Variants in GRID2 observed in about 807,000 individuals in gnomAD.
GRID2 encodes glutamate ionotropic receptor delta type subunit 2.
In GRID2, 33 loss-of-function variants were observed where a neutral mutation model predicts 114.8. That is an observed-to-expected ratio of 0.29 (90% confidence interval 0.22 to 0.38). The LOEUF is 0.38. Among genes scored for constraint, GRID2 ranks in the 10% least tolerant of loss-of-function variants. GRID2 has a pLI of 1.00. For synonymous variants in GRID2, 505 were observed against 449.9 expected (o/e 1.12, Z -1.55); for missense variants, 1,184 against 1,257.7 (o/e 0.94, Z 0.89).
chr4:92,526,730 G>GCA (rs71300746), intron 1 of GRID2, among the ~76,000 whole-genome samples: 43,183 of 149,620 alleles, frequency 0.29, 6,713 homozygotes, highest in Non-Finnish European at 0.36. Flanking sequence ...TTGGCCACAT[G>GCA]CACACACACA....
At chr4:93,429,941 A>G (rs904873650) in intron 10 of GRID2, among the ~76,000 whole-genome samples, 2 of 152,184 alleles carry the variant, frequency 1.3e-5, no homozygotes, top group Non-Finnish European at 2.9e-5. Context: ...GATACTATTT[A>G]GTAATTATAA....
At chr4:92,856,985 T>C (rs1310611592) in intron 2 of GRID2, among the ~76,000 whole-genome samples, 1 of 152,172 alleles carries the variant, frequency 6.6e-6, no homozygotes, top group Non-Finnish European at 1.5e-5. Flanking sequence ...TTTTCATTAG[T>C]ATTATATATG....
chr4:93,805,149 T>C (rs1345235606), intron 1 of GRID2, among the ~76,000 whole-genome samples: 1 of 152,212 alleles, frequency 6.6e-6, no homozygotes, highest in Non-Finnish European at 1.5e-5. Context: ...TGCATGCTAG[T>C]CTAAAATTCC....
intron 1 of GRID2, among the ~76,000 whole-genome samples, chr4:93,793,349 A>T (rs1212329788): frequency 1.3e-5 from 2 of 152,148 alleles, no homozygotes; most frequent in Non-Finnish European, 2.9e-5. Flanking sequence ...AAAACATCAC[A>T]CTCAGAGTAA....
intron 1 of GRID2, among the ~76,000 whole-genome samples, chr4:92,564,177 T>C (rs1285054709): frequency 6.6e-6 from 1 of 152,024 alleles, no homozygotes; most frequent in Admixed American, 6.6e-5. Flanking sequence ...TCTGTGGTAT[T>C]TAATACTTAG....
intron 4 of GRID2, among the ~76,000 whole-genome samples, chr4:93,177,261 A>G (rs1739436106): frequency 6.6e-6 from 1 of 152,164 alleles, no homozygotes; most frequent in African/African-American, 2.4e-5. Flanking sequence ...TTTAAAAAAT[A>G]TATAGATTGA....
intron 14 of GRID2, among the ~76,000 whole-genome samples, chr4:93,745,253 G>A (rs866449686): frequency 2.0e-5 from 3 of 152,120 alleles, no homozygotes; most frequent in Admixed American, 6.6e-5. Flanking sequence ...TCTCAAGAAC[G>A]TTAATTGCTG....
intron 9 of GRID2, among the ~76,000 whole-genome samples, chr4:93,399,110 C>A (rs1765640292): frequency 6.6e-6 from 1 of 151,994 alleles, no homozygotes; most frequent in African/African-American, 2.4e-5. Flanking sequence ...GATGTTGTCA[C>A]CTAAACGCAA....
At chr4:92,422,798 C>T (rs191036485) in intron 1 of GRID2, among the ~76,000 whole-genome samples, 3 of 152,114 alleles carry the variant, frequency 2.0e-5, no homozygotes, top group African/African-American at 4.8e-5. Flanking sequence ...TTGTTAGTCC[C>T]GCAAAAGCAG....
intron 1 of GRID2, among the ~76,000 whole-genome samples, chr4:92,539,108 A>G (rs1015742642): frequency 2.0e-5 from 3 of 152,144 alleles, no homozygotes; most frequent in African/African-American, 7.2e-5. Context: ...AATGTGATTG[A>G]CATCAATTGA....
intron 2 of GRID2, among the ~76,000 whole-genome samples, chr4:92,630,330 G>A (rs1009128525): frequency 6.6e-6 from 1 of 152,050 alleles, no homozygotes; most frequent in Non-Finnish European, 1.5e-5. Flanking sequence ...ATGAGTTAGA[G>A]TACTTAGATT....
intron 2 of GRID2, among the ~76,000 whole-genome samples, chr4:92,909,180 A>G (rs925939636): frequency 6.6e-6 from 1 of 152,040 alleles, no homozygotes; most frequent in Admixed American, 6.6e-5. Flanking sequence ...CCATATATAC[A>G]AGAATTCAGA....
chr4:93,009,471 C>T (rs184076797), intron 2 of GRID2, among the ~76,000 whole-genome samples: 32 of 152,268 alleles, frequency 2.1e-4, no homozygotes, highest in Middle Eastern at 3.4e-3. Context: ...CTGAATGGAA[C>T]GCAAGGACTC....
At chr4:93,805,330 G>A (rs1735009158) in intron 1 of GRID2, among the ~76,000 whole-genome samples, 1 of 152,198 alleles carries the variant, frequency 6.6e-6, no homozygotes, top group Admixed American at 6.5e-5. Context: ...ATCTTCAAGA[G>A]AGGTAGATAA....
At chr4:93,733,263 C>G (rs990733561) in intron 14 of GRID2, among the ~76,000 whole-genome samples, 1 of 152,048 alleles carries the variant, frequency 6.6e-6, no homozygotes, top group African/African-American at 2.4e-5. Flanking sequence ...TTTTATATAT[C>G]CTTGAAAAAA....
At chr4:93,504,126 A>C (rs1365414910) in intron 12 of GRID2, among the ~76,000 whole-genome samples, 1 of 152,090 alleles carries the variant, frequency 6.6e-6, no homozygotes, top group Admixed American at 6.6e-5. Context: ...CCCACTATGA[A>C]ATTTTTGATA....
At chr4:93,754,991 AT>A (rs1732619874) in intron 14 of GRID2, among the ~76,000 whole-genome samples, 2 of 152,192 alleles carry the variant, frequency 1.3e-5, no homozygotes, top group African/African-American at 4.8e-5. Context: ...TTATTGAAGC[AT>A]CCCATAATAT....
chr4:92,912,144 C>A (rs915260230), intron 2 of GRID2, among the ~76,000 whole-genome samples: 8 of 151,754 alleles, frequency 5.3e-5, no homozygotes, highest in African/African-American at 1.9e-4. Context: ...TTAATCTATA[C>A]AGGATATTAT....
At chr4:92,454,604 AGATC>A (rs1347433981) in intron 1 of GRID2, among the ~76,000 whole-genome samples, 9 of 152,282 alleles carry the variant, frequency 5.9e-5, no homozygotes, top group Non-Finnish European at 1.3e-4. Flanking sequence ...TGGGAGGCCG[AGATC>A]GGCAGATCAC....
Sources: allele counts gnomAD v4.1 joint callset (sites outside exome capture counted in the v4.1 genomes callset), GRCh38; gene constraint gnomAD v4.1.1; transcripts MANE v1.5; gene names NCBI Gene and HGNC (gene_info 2026-07-23, HGNC 2026-07-21).